PRPF6: variants seen among roughly 807,000 people sequenced by gnomAD.
PRPF6 encodes pre-mRNA processing factor 6, also known as pre-mRNA-processing factor 6.
Under a neutral mutation model 118.3 loss-of-function variants are expected in PRPF6, and 42 were observed. That is an observed-to-expected ratio of 0.35 (90% CI 0.28 to 0.46). The LOEUF (loss-of-function observed/expected upper bound fraction) is 0.46. Ranked by LOEUF, PRPF6 falls within the 20% of genes least tolerant of loss-of-function variation. The probability of loss-of-function intolerance (pLI) is 1.00; values close to 1 mark genes in which losing one functional copy is unlikely to be tolerated. For synonymous variants in PRPF6, 481 were observed against 485.1 expected (o/e 0.99, Z 0.11); for missense variants, 662 against 1,255.7 (o/e 0.53, Z 7.15).
intron 6 of PRPF6, among the ~76,000 whole-genome samples, chr20:63,998,195 T>A (rs1423226139): frequency 1.3e-5 from 2 of 151,564 alleles, no homozygotes; most frequent in Non-Finnish European, 2.9e-5. Context: ...CCCAGGTTCA[T>A]GTGATTCTCC....
chr20:64,028,472 C>G lies in PRPF6; in HGVS notation c.2340-6C>G. ...CTGTGGGACCTCCGGGGGCCTGTCTCCTCAGGTTGGAGTCCGTGCGGCTGG... is the reference window on the plus strand; with the variant it reads ...CTGTGGGACCTCCGGGGGCCTGTCTGCTCAGGTTGGAGTCCGTGCGGCTGG... On this transcript the variant is annotated splice_polypyrimidine_tract_variant and splice_region_variant and intron_variant, in intron 17 of 20. Transcript: ENST00000266079. The surrounding 1 kb of genome is among the most constrained non-coding windows in gnomAD (Gnocchi z 6.5). The G allele has an allele frequency of 6.2e-7, 1 of 1,613,906 alleles. No homozygotes were observed. Among genetic ancestry groups the G allele is most frequent in the East Asian group, 2.2e-5 (1 of 44,876 alleles).
At chr20:64,008,622 TA>T (rs2059201011) in intron 9 of PRPF6, among the ~76,000 whole-genome samples, 1 of 139,610 alleles carries the variant, frequency 7.2e-6, no homozygotes, top group African/African-American at 3.0e-5. Flanking sequence ...ACATTATAAT[TA>T]GGTCACTCTT....
chr20:64,004,205 G>C (rs896516229), intron 9 of PRPF6, among the ~76,000 whole-genome samples: 2 of 152,236 alleles, frequency 1.3e-5, no homozygotes, highest in Non-Finnish European at 2.9e-5. Context: ...CCTTCGGGGA[G>C]TGTTGAGGGA....
chr20:64,016,373 C>T (rs576687819), intron 11 of PRPF6, among the ~76,000 whole-genome samples: 1 of 152,252 alleles, frequency 6.6e-6, no homozygotes, highest in South Asian at 2.1e-4. Context: ...GTGATCCACC[C>T]TCGACCTCCC....
At chr20:64,019,480 A>G (rs564805750) in intron 12 of PRPF6, among the ~76,000 whole-genome samples, 1 of 152,304 alleles carries the variant, frequency 6.6e-6, no homozygotes, top group East Asian at 1.9e-4. Context: ...TAAGGAGGAC[A>G]GTGTTTTCTG....
Position 63,985,042 on chromosome 20 carries a change from C to T in PRPF6, c.359+17C>T, listed in dbSNP as rs2059087308. The T allele has an allele frequency of 6.3e-7, 1 of 1,599,832 alleles. No individual in the cohort carries two copies. Among genetic ancestry groups the T allele is most frequent in the Non-Finnish European group, 8.6e-7 (1 of 1,168,940 alleles). Reference sequence around the variant, plus strand: ...AGAAAGACGGTAAAAGAAATTGTTGCCTTTCACAATATTTATCCAAGTTTA... The same window carrying T: ...AGAAAGACGGTAAAAGAAATTGTTGTCTTTCACAATATTTATCCAAGTTTA... On this transcript the variant is annotated intron_variant, in intron 3 of 20. Transcript: ENST00000266079.
Position 64,028,508 on chromosome 20 carries a change from G to A in PRPF6, c.2370G>A (p.Ala790=), listed in dbSNP as rs1479553832. The part of the protein sequence containing the change: ...WLESVRLEYR[A]GLKNIANTLM... ...AGTCCGTGCGGCTGGAGTACCGTGC[G>A]GGGCTGAAGAACATCGCAAATACAC... The change falls in exon 18 of 21, where the codon GCG becomes GCA. Residue 790 remains alanine (A), a synonymous_variant. Transcript: ENST00000266079. This position sits in a 1 kb window ranked among gnomAD's most constrained non-coding sequence, Gnocchi z 6.5. 6.8e-6 allele frequency: 11 copies of A among 1,613,788 alleles called. No homozygotes were observed. The highest frequency in any genetic ancestry group is 2.7e-5 in the African/African-American group (2 of 74,928).
intron 3 of PRPF6, among the ~76,000 whole-genome samples, chr20:63,991,830 C>G (rs1234185265): frequency 6.6e-6 from 1 of 151,928 alleles, no homozygotes; most frequent in Non-Finnish European, 1.5e-5. Context: ...ACTTTTTATT[C>G]TGAAAACTGT....
intron 9 of PRPF6, among the ~76,000 whole-genome samples, chr20:64,002,498 G>A (rs1022198872): frequency 6.6e-6 from 1 of 150,392 alleles, no homozygotes. Context: ...TCCATGCCTG[G>A]CCAATTTTTG....
intron 9 of PRPF6, among the ~76,000 whole-genome samples, chr20:64,002,564 G>T (rs954674928): frequency 2.8e-4 from 42 of 148,802 alleles, no homozygotes; most frequent in Non-Finnish European, 4.3e-4. Context: ...TCAAACTCCT[G>T]ACCACAAGTG....
Position 64,028,379 on chromosome 20 carries a change from A to C in PRPF6, c.2340-99A>C, listed in dbSNP as rs2059300868. 8.1e-7 allele frequency: 1 copy of C among 1,232,198 alleles called. No individual in the cohort carries two copies. Among genetic ancestry groups the C allele is most frequent in the Non-Finnish European group, 1.2e-6 (1 of 838,332 alleles). 76.3% of individuals were successfully genotyped at this position (1,232,198 alleles called of 1,614,324 possible). On this transcript the variant is annotated intron_variant, in intron 17 of 20. Coordinates refer to ENST00000266079, the MANE Select transcript of PRPF6 (RefSeq NM_012469.4). This position sits in a 1 kb window ranked among gnomAD's most constrained non-coding sequence, Gnocchi z 6.5. ...AGGGAATGGAGTTTTTGCTGCTGTG[A>C]CTGGGTGGAGAGCCCTTTCAGACAA...
At chr20:64,017,465 C>T (rs2059244112) in intron 12 of PRPF6, among the ~76,000 whole-genome samples, 2 of 148,986 alleles carry the variant, frequency 1.3e-5, no homozygotes, top group South Asian at 4.2e-4. Context: ...GCCCGGCCTC[C>T]CAGAGTGCTG....
chr20:63,995,029 C>A lies in PRPF6; in HGVS notation c.552C>A (p.Asp184Glu). 6.2e-7 allele frequency: 1 copy of A among 1,614,186 alleles called. No homozygotes were observed. Among genetic ancestry groups the A allele is most frequent in the Non-Finnish European group, 8.5e-7 (1 of 1,180,038 alleles). Residue 184 changes from aspartate (D) to glutamate (E), a missense_variant, in exon 5 of 21, where the codon GAC becomes GAA. Asp to Glu is a conservative substitution (Grantham distance 45). Transcript: ENST00000266079. ...PRYEKLTPVP[D>E]SFFAKHLQTG... ...ATGAGAAGCTGACCCCTGTTCCTGA[C>A]AGTTTCTTTGCCAAACATTTACAGA... is the stretch of plus-strand genomic sequence containing the variant.
intron 6 of PRPF6, 52 bp downstream of exon 6, chr20:63,995,534 T>C: frequency 6.2e-7 from 1 of 1,608,910 alleles, no homozygotes; most frequent in Non-Finnish European, 8.5e-7. Context: ...CAGTTTAATT[T>C]TGTTTTGTTT....
chr20:64,013,447 T>C (rs2059223932), intron 11 of PRPF6, among the ~76,000 whole-genome samples: 1 of 152,074 alleles, frequency 6.6e-6, no homozygotes, highest in Non-Finnish European at 1.5e-5. Context: ...TCTTTCTTTC[T>C]TTCCTTCTTT....
At position 63,999,675 on chromosome 20, in the gene PRPF6, T is replaced by C; in HGVS notation, c.939T>C (p.Ile313=). The change falls in exon 8 of 21, where the codon ATT becomes ATC. Residue 313 remains isoleucine, a synonymous_variant. Coordinates refer to ENST00000266079, the MANE Select transcript of PRPF6 (RefSeq NM_012469.4). ...ETNPHHPPAW[I]ASARLEEVTG... is the part of the protein sequence containing the mutation. The stretch of plus-strand genomic sequence containing the variant: ...ACCCTCATCACCCGCCAGCCTGGAT[T>C]GCATCAGCCCGCCTGGAAGAAGTCA... 6.2e-7 allele frequency: 1 copy of C among 1,614,134 alleles called. No homozygotes were observed. The highest frequency in any genetic ancestry group is 8.5e-7 in the Non-Finnish European group (1 of 1,180,012).
rs1464814132 is a variant in PRPF6 at position 64,027,030 on chromosome 20, G to T, written c.2077G>T (p.Ala693Ser). The T allele has an allele frequency of 6.2e-7, 1 of 1,613,958 alleles. No homozygotes were observed. The highest frequency in any genetic ancestry group is 1.3e-5 in the African/African-American group (1 of 74,944). The change falls in exon 16 of 21, where the codon GCA becomes TCA. Residue 693 changes from alanine (A) to serine (S), a missense_variant. By Grantham distance (99) the Ala-to-Ser change is moderately conservative (BLOSUM62 1). Transcript: ENST00000266079. This position sits in a 1 kb window ranked among gnomAD's most constrained non-coding sequence, Gnocchi z 6.5. ...GGAGTGGGTGCAAGACAACATCAGG[G>T]CAGCCCAAGATCTGTGCGAGGAGGC... ...KLEWVQDNIR[A>S]AQDLCEEALR...
Position 64,010,106 on chromosome 20 carries a change from T to C in PRPF6, c.1187-94T>C, listed in dbSNP as rs1317031402. The C allele has an allele frequency of 3.7e-6, 4 of 1,075,106 alleles. No individual in the cohort carries two copies. The East Asian group carries it at 9.4e-5, about 25-fold the overall frequency. 66.6% of individuals were successfully genotyped at this position (1,075,106 alleles called of 1,614,324 possible). ...GGTCCCTGACTGTCAACCAGGGAAG[T>C]CCGTCTCATCCTGACCAGCAGCATG... is the stretch of plus-strand genomic sequence containing the variant. On this transcript the variant is annotated intron_variant, in intron 9 of 20. Coordinates refer to ENST00000266079, the MANE Select transcript of PRPF6 (RefSeq NM_012469.4).
chr20:64,020,597 T>C (rs78512317), intron 12 of PRPF6, among the ~76,000 whole-genome samples: 3 of 152,070 alleles, frequency 2.0e-5, no homozygotes, highest in Non-Finnish European at 4.4e-5. Context: ...TTGTTTTCTT[T>C]TGTTGTTGAT....
Sources: gnomAD v4.1 joint callset for allele counts (sites outside exome capture counted in the v4.1 genomes callset) on GRCh38, gnomAD v4.1.1 for gene constraint, Gnocchi (gnomAD v3.1) non-coding constraint, MANE v1.5 for transcripts, NCBI Gene and HGNC (gene_info 2026-07-23, HGNC 2026-07-21) for gene names.